Variants in ADGRB3 observed in about 807,000 individuals in gnomAD.
The protein encoded by ADGRB3 is adhesion G protein-coupled receptor B3, also known as brain-specific angiogenesis inhibitor 3.
Under a neutral mutation model 193.4 loss-of-function variants are expected in ADGRB3, and 37 were observed. The observed-to-expected ratio is 0.19, with a 90% CI of 0.15 to 0.25. ADGRB3 has a LOEUF of 0.25. ADGRB3 is among the 10% of genes least tolerant of loss of function. ADGRB3 has a pLI of 1.00. For missense variants in ADGRB3, 1,637 were observed against 1,852.9 expected (o/e 0.88, Z 2.14); for synonymous variants, 690 against 644.2 (o/e 1.07, Z -1.08).
At chr6:68,803,776 T>C (rs1767354465) in intron 3 of ADGRB3, among the ~76,000 whole-genome samples, 3 of 152,222 alleles carry the variant, frequency 2.0e-5, no homozygotes, top group African/African-American at 7.2e-5. Context: ...CACATGCCCT[T>C]GCTTCATTTC....
chr6:69,095,505 T>C (rs936226186), intron 17 of ADGRB3, among the ~76,000 whole-genome samples: 1 of 152,048 alleles, frequency 6.6e-6, no homozygotes, highest in Admixed American at 6.6e-5. Flanking sequence ...ATAATGAAAA[T>C]GAAGCTGGTA....
intron 13 of ADGRB3, among the ~76,000 whole-genome samples, chr6:69,022,398 T>TTC (rs1203317473): frequency 1.3e-5 from 2 of 151,880 alleles, no homozygotes; most frequent in Non-Finnish European, 3.0e-5. Context: ...AAGTTATTTT[T>TTC]TCAACAAGAC....
chr6:68,713,596 C>T (rs1562002957), intron 3 of ADGRB3, among the ~76,000 whole-genome samples: 1 of 150,670 alleles, frequency 6.6e-6, no homozygotes, highest in African/African-American at 2.4e-5. Context: ...TTTAATTACA[C>T]TTCCCTTTCT....
chr6:69,318,587 C>A (rs1454040229), intron 20 of ADGRB3, among the ~76,000 whole-genome samples: 1 of 151,324 alleles, frequency 6.6e-6, no homozygotes, highest in Non-Finnish European at 1.5e-5. Flanking sequence ...GAGTTGGATA[C>A]TTCTAATCTT....
chr6:68,744,817 C>T (rs1349128893), intron 3 of ADGRB3, among the ~76,000 whole-genome samples: 1 of 152,052 alleles, frequency 6.6e-6, no homozygotes. Context: ...AGCAAACCAC[C>T]ATGGCACGTG....
intron 5 of ADGRB3, among the ~76,000 whole-genome samples, chr6:68,937,286 A>G (rs1767510309): frequency 1.3e-5 from 2 of 152,160 alleles, no homozygotes; most frequent in African/African-American, 4.8e-5. Context: ...TAGCATGCCC[A>G]CTTAGTGTCA....
rs1289265344 is a variant in ADGRB3, at chr6:68,635,291, C to T, written c.-897C>T. On this transcript the variant is annotated 5_prime_UTR_variant, in exon 1 of 32. Transcript: ENST00000370598. ...CCAAGGGAGAGCGAGCACTGCGCGC[C>T]GGCGCGCACACCCGAGACAGAGCTT... The T allele has an allele frequency of 6.6e-6, 1 of 150,792 alleles. No individual in the cohort carries two copies. Among genetic ancestry groups the T allele is most frequent in the Non-Finnish European group, 1.5e-5 (1 of 67,602 alleles). 9.3% of individuals were successfully genotyped at this position (150,792 alleles called of 1,614,324 possible).
chr6:69,256,955 G>A (rs1455086051), intron 20 of ADGRB3, among the ~76,000 whole-genome samples: 1 of 148,904 alleles, frequency 6.7e-6, no homozygotes. Context: ...CATCTATTGA[G>A]ATAATCATGT....
At chr6:68,687,026 A>G (rs896256982) in intron 3 of ADGRB3, among the ~76,000 whole-genome samples, 5 of 152,048 alleles carry the variant, frequency 3.3e-5, no homozygotes, top group Admixed American at 2.0e-4. Flanking sequence ...TGGGATATAT[A>G]TTTTTATTTA....
chr6:68,886,251 C>T (rs1765903987), intron 3 of ADGRB3, among the ~76,000 whole-genome samples: 2 of 152,034 alleles, frequency 1.3e-5, no homozygotes, highest in African/African-American at 4.8e-5. Context: ...ATTATTTAGT[C>T]ACTCTCATTA....
In ADGRB3 at chr6:69,105,819, G is replaced by A. The variant is rs184007231; in HGVS notation, c.2480+29781G>A. Among the ~76,000 whole-genome samples the A allele has an allele frequency of 5.9e-5, 9 of 152,268 alleles. No individual in the cohort carries two copies. The East Asian group carries it at 1.7e-3, about 29-fold the overall frequency. On this transcript the variant is annotated intron_variant, in intron 17 of 31. Transcript: ENST00000370598. Reference sequence around the variant, plus strand: ...CACAGCCTAGCACCAGGGAGATCCAGTTACCTTGTTGAATGGGGGAAAACA... The same window carrying A: ...CACAGCCTAGCACCAGGGAGATCCAATTACCTTGTTGAATGGGGGAAAACA...
intron 17 of ADGRB3, among the ~76,000 whole-genome samples, chr6:69,204,133 C>T (rs994440273): frequency 8.5e-5 from 13 of 152,136 alleles, no homozygotes; most frequent in African/African-American, 3.1e-4. Context: ...GATACATTAA[C>T]TTAAAGTTTC....
intron 26 of ADGRB3, among the ~76,000 whole-genome samples, 174 bp downstream of exon 26, chr6:69,339,678 A>T (rs981656103): frequency 1.3e-5 from 2 of 152,220 alleles, no homozygotes; most frequent in Non-Finnish European, 1.5e-5. Context: ...GAGAGCCCCC[A>T]GCACTCTGAA....
chr6:69,201,716 C>T (rs1438311723), intron 17 of ADGRB3, among the ~76,000 whole-genome samples: 2 of 152,076 alleles, frequency 1.3e-5, no homozygotes, highest in Non-Finnish European at 2.9e-5. Context: ...GTTATTAGGT[C>T]TATCCTAAAT....
At chr6:68,639,562 C>G in intron 3 of ADGRB3, 130 bp downstream of exon 3, 1 of 1,259,438 alleles carries the variant, frequency 7.9e-7, no homozygotes, top group Non-Finnish European at 1.1e-6. Flanking sequence ...TTGATTTGTG[C>G]TATTCACTGA....
intron 3 of ADGRB3, among the ~76,000 whole-genome samples, chr6:68,898,314 G>A (rs577632350): frequency 1.3e-5 from 2 of 151,862 alleles, no homozygotes; most frequent in Non-Finnish European, 2.9e-5. Context: ...TCCCCTTTTT[G>A]TTTCAGCTAA....
At position 68,645,636 on chromosome 6, in the gene ADGRB3, C is replaced by A. The variant is rs948452763; in HGVS notation, c.757+6204C>A. 2.0e-5 allele frequency among the ~76,000 whole-genome samples: 3 copies of A among 152,246 alleles called. No homozygotes were observed. In the South Asian group the frequency reaches 6.2e-4, roughly 32 times the overall value. On this transcript the variant is annotated intron_variant, in intron 3 of 31. Coordinates refer to ENST00000370598, the MANE Select transcript of ADGRB3 (RefSeq NM_001704.3). ...TACTAAATGAGATTGCTTGTATGCT[C>A]AAGTTATGTTAGGCCCTCGATAAAT...
chr6:68,735,815 T>C (rs927679565), intron 3 of ADGRB3, among the ~76,000 whole-genome samples: 2 of 152,122 alleles, frequency 1.3e-5, no homozygotes, highest in Non-Finnish European at 2.9e-5. Flanking sequence ...CTAAGTTTCT[T>C]TCTGTCTTAA....
At chr6:69,124,750 T>C (rs1039485197) in intron 17 of ADGRB3, among the ~76,000 whole-genome samples, 4 of 152,236 alleles carry the variant, frequency 2.6e-5, no homozygotes, top group African/African-American at 4.8e-5. Context: ...TTTCCATATA[T>C]GCAATATGCT....
Sources: allele counts gnomAD v4.1 joint callset (sites outside exome capture counted in the v4.1 genomes callset), GRCh38; gene constraint gnomAD v4.1.1; transcripts MANE v1.5; gene names NCBI Gene and HGNC (gene_info 2026-07-23, HGNC 2026-07-21).